RBM20: variants seen among roughly 807,000 people sequenced by gnomAD.
RBM20 encodes the protein RNA-binding protein 20.
In RBM20, 51 loss-of-function variants were observed where a neutral mutation model predicts 110.1. The ratio of observed to expected loss-of-function variants is 0.46; its 90% CI spans 0.37 to 0.59. The LOEUF (loss-of-function observed/expected upper bound fraction) is 0.59, where lower values mean the gene tolerates loss of function less well. Ranked by LOEUF, RBM20 falls within the 20% of genes least tolerant of loss-of-function variation. RBM20 has a pLI of 0.00. For missense variants in RBM20, 1,512 were observed against 1,574.9 expected (o/e 0.96, Z 0.68); for synonymous variants, 589 against 618.2 (o/e 0.95, Z 0.70).
At chr10:110,692,873 T>C (rs1330003645) in intron 1 of RBM20, among the ~76,000 whole-genome samples, 1 of 139,676 alleles carries the variant, frequency 7.2e-6, no homozygotes, top group African/African-American at 2.5e-5. Context: ...TGTTTTACCA[T>C]TGAGTATGAT....
intron 10 of RBM20, 36 bp from the exon 11 acceptor site, chr10:110,821,239 A>G (rs1470808362): frequency 6.5e-7 from 1 of 1,533,294 alleles, no homozygotes; most frequent in South Asian, 1.2e-5. Flanking sequence ...AATGCTCTCA[A>G]CCACCCTCTG....
chr10:110,829,642 T>A (rs969651336), intron 12 of RBM20, among the ~76,000 whole-genome samples: 2 of 152,190 alleles, frequency 1.3e-5, no homozygotes, highest in African/African-American at 4.8e-5. Context: ...ATGACAAGTC[T>A]AGGCTGCTTC....
At chr10:110,687,788 C>G (rs2134870665) in intron 1 of RBM20, among the ~76,000 whole-genome samples, 1 of 152,284 alleles carries the variant, frequency 6.6e-6, no homozygotes, top group African/African-American at 2.4e-5. Flanking sequence ...CATGTTTTGA[C>G]TTTACATCAA....
chr10:110,804,363 C>T (rs1844669524), intron 7 of RBM20, among the ~76,000 whole-genome samples: 1 of 152,096 alleles, frequency 6.6e-6, no homozygotes, highest in South Asian at 2.1e-4. Flanking sequence ...AACACTGTAT[C>T]CATGTGTGTC....
rs181206853 is a variant in RBM20, at chr10:110,656,055, C to T, written c.191+11410C>T. The stretch of plus-strand genomic sequence containing the variant: ...GTGGCTCACGCCTATAATCCCAGCA[C>T]TTTGGGAGGCCGAGGCACGTGGATC... On this transcript the variant is annotated intron_variant, in intron 1 of 13. Coordinates refer to ENST00000369519, the MANE Select transcript of RBM20 (RefSeq NM_001134363.3). Among the ~76,000 whole-genome samples, 168 of 152,216 alleles carry T rather than the reference C, an allele frequency of 1.1e-3. 1 individual carries two copies. Among genetic ancestry groups the T allele is most frequent in the Non-Finnish European group, 2.0e-3 (134 of 68,018 alleles).
At chr10:110,660,481 G>T (rs112427276) in intron 1 of RBM20, among the ~76,000 whole-genome samples, 1 of 152,058 alleles carries the variant, frequency 6.6e-6, no homozygotes, top group Non-Finnish European at 1.5e-5. Flanking sequence ...ACAGCAGGAG[G>T]TGAGCGGTGG....
chr10:110,644,657 GA>G lies in RBM20; in HGVS notation c.191+14del. 4 of 1,487,740 alleles carry G rather than the reference GA, an allele frequency of 2.7e-6. No homozygotes were observed. The highest frequency in any genetic ancestry group is 1.3e-5 in the South Asian group (1 of 76,792). 92.2% of individuals were successfully genotyped at this position (1,487,740 alleles called of 1,614,324 possible). ...CAGATCATCCAAAAGTAAGAAGGGA[GA>G]AGGGAACAGGGACCACGGGTGCGCC... On this transcript the variant is annotated intron_variant, in intron 1 of 13. Transcript: ENST00000369519. This position sits in a 1 kb window ranked among gnomAD's most constrained non-coding sequence, Gnocchi z 4.3.
At chr10:110,742,780 C>T (rs1404055281) in intron 1 of RBM20, among the ~76,000 whole-genome samples, 2 of 152,196 alleles carry the variant, frequency 1.3e-5, no homozygotes, top group Non-Finnish European at 2.9e-5. Flanking sequence ...CTGGGAGGCT[C>T]GGTTAGTATT....
chr10:110,789,800 C>T (rs1465385698), intron 5 of RBM20, among the ~76,000 whole-genome samples: 2 of 152,218 alleles, frequency 1.3e-5, no homozygotes, highest in Non-Finnish European at 2.9e-5. Context: ...TTCACTTTCA[C>T]TTAAGCTCCT....
chr10:110,742,367 A>G (rs1252343219), intron 1 of RBM20, among the ~76,000 whole-genome samples: 1 of 152,126 alleles, frequency 6.6e-6, no homozygotes, highest in Non-Finnish European at 1.5e-5. Context: ...TCTCTAATGG[A>G]CAAACTTTCC....
intron 1 of RBM20, among the ~76,000 whole-genome samples, chr10:110,751,305 A>G (rs951041155): frequency 6.6e-6 from 1 of 152,230 alleles, no homozygotes; most frequent in African/African-American, 2.4e-5. Flanking sequence ...GAATTTTAAG[A>G]GACTGTGAGA....
At chr10:110,754,491 AT>A (rs1843897937) in intron 1 of RBM20, among the ~76,000 whole-genome samples, 1 of 152,150 alleles carries the variant, frequency 6.6e-6, no homozygotes, top group Admixed American at 6.6e-5. Flanking sequence ...CTTCTGACTT[AT>A]CCCCTATAGT....
chr10:110,645,798 T>TA (rs2134795561), intron 1 of RBM20, among the ~76,000 whole-genome samples: 1 of 146,926 alleles, frequency 6.8e-6, no homozygotes, highest in South Asian at 2.1e-4. Flanking sequence ...TGTTGACTGG[T>TA]GGAATACTGA....
intron 1 of RBM20, among the ~76,000 whole-genome samples, chr10:110,716,212 G>T (rs989132616): frequency 1.3e-5 from 2 of 152,178 alleles, no homozygotes; most frequent in Admixed American, 1.3e-4. Flanking sequence ...TGGTAGGTGC[G>T]TAATTAGGGG....
intron 9 of RBM20, 102 bp from the exon 10 acceptor site, chr10:110,819,970 A>G: frequency 1.5e-6 from 1 of 670,510 alleles, no homozygotes; most frequent in Admixed American, 3.0e-5. Flanking sequence ...TGTATGTGAA[A>G]CCTATCTGAG....
chr10:110,705,689 A>G (rs1862826804), intron 1 of RBM20, among the ~76,000 whole-genome samples: 1 of 152,242 alleles, frequency 6.6e-6, no homozygotes, highest in African/African-American at 2.4e-5. Flanking sequence ...ACTTACATAT[A>G]TATTAATCTC....
rs76741681 is a variant in RBM20 at position 110,793,209 on chromosome 10, C to A, written c.1528-4299C>A. Among the ~76,000 whole-genome samples the A allele has an allele frequency of 9.4e-3, 1,438 of 152,302 alleles. 14 individuals carry two copies. Among genetic ancestry groups the A allele is most frequent in the African/African-American group, 0.033 (1,352 of 41,550 alleles). On this transcript the variant is annotated intron_variant, in intron 5 of 13. Transcript: ENST00000369519. ...TCAGCGGCTGAGCTGGGGATTGAAC[C>A]CAGGCCCTCTGTCTTCTAGGAGGAT...
chr10:110,769,868 G>A (rs1182548344), intron 1 of RBM20, among the ~76,000 whole-genome samples: 1 of 151,862 alleles, frequency 6.6e-6, no homozygotes. Context: ...ACAGTTGTGC[G>A]CCACCATGCC....
chr10:110,699,472 A>G (rs1386147977), intron 1 of RBM20, among the ~76,000 whole-genome samples: 8 of 152,062 alleles, frequency 5.3e-5, no homozygotes, highest in South Asian at 4.2e-4. Context: ...GGGTTTCACC[A>G]TGTTGGTCAA....
Sources: gnomAD v4.1 joint callset for allele counts (sites outside exome capture counted in the v4.1 genomes callset) on GRCh38, gnomAD v4.1.1 for gene constraint, Gnocchi (gnomAD v3.1) non-coding constraint, MANE v1.5 for transcripts, NCBI Gene and HGNC (gene_info 2026-07-23, HGNC 2026-07-21) for gene names.